The following HERC2 variants were observed in gnomAD, a reference collection of about 807,000 sequenced individuals.
HERC2 encodes the protein HECT and RLD domain containing E3 ubiquitin protein ligase 2, also known as E3 ubiquitin-protein ligase HERC2.
A neutral mutation model predicts 537.7 loss-of-function variants in HERC2; 102 were observed. The ratio of observed to expected loss-of-function variants is 0.19; its 90% CI spans 0.16 to 0.22. HERC2 has a LOEUF of 0.22. Ranked by LOEUF, HERC2 falls within the 10% of genes least tolerant of loss-of-function variation. The pLI is 1.00. For missense variants in HERC2, 4,236 were observed against 6,198.2 expected, an observed-to-expected ratio of 0.68 and a Z score of 10.63; for synonymous variants, 2,224 against 2,466.2, an observed-to-expected ratio of 0.90 and a Z score of 2.91.
chr15:28,132,362 G>A, intron 80 of HERC2, 101 bp from the exon 81 acceptor site: 1 of 1,126,840 alleles, frequency 8.9e-7, no homozygotes, highest in South Asian at 1.8e-5. Flanking sequence ...GGGGGTACCT[G>A]TTTTAAGCCT....
intron 52 of HERC2, among the ~76,000 whole-genome samples, chr15:28,194,370 A>C (rs1897145974): frequency 7.0e-6 from 1 of 142,648 alleles, no homozygotes; most frequent in Non-Finnish European, 1.5e-5. Flanking sequence ...GGAGATCGAG[A>C]CCATCCTGGC....
intron 52 of HERC2, among the ~76,000 whole-genome samples, chr15:28,195,228 A>G (rs1025436973): frequency 2.6e-5 from 4 of 152,158 alleles, no homozygotes; most frequent in African/African-American, 9.7e-5. Context: ...ACTAAAACTA[A>G]AAATGTATAT....
intron 85 of HERC2, among the ~76,000 whole-genome samples, chr15:28,123,709 C>G (rs774242138): frequency 2.0e-5 from 3 of 152,176 alleles, no homozygotes; most frequent in Admixed American, 6.5e-5. Flanking sequence ...CAAGGCCAGG[C>G]AGGCAGAGAA....
At chr15:28,282,035 T>C (rs532330067) in intron 4 of HERC2, among the ~76,000 whole-genome samples, 6 of 152,330 alleles carry the variant, frequency 3.9e-5, no homozygotes, top group Non-Finnish European at 8.8e-5. Flanking sequence ...ATCAGTCATG[T>C]ACACTCTGAA....
In HERC2 at chr15:28,310,114, A is replaced by C. The variant is rs371279684; in HGVS notation, c.73-10598T>G. The stretch of plus-strand genomic sequence containing the variant: ...GTGCCCAGGAGTTTAAAACCAATCT[A>C]GGCAACATAGCAAGACCGTCTCTAC... On this transcript the variant is annotated intron_variant, in intron 2 of 92. Coordinates refer to ENST00000261609, the MANE Select transcript of HERC2 (RefSeq NM_004667.6). Among the ~76,000 whole-genome samples, 10 of 152,212 alleles carry C rather than the reference A, an allele frequency of 6.6e-5. No individual in the cohort carries two copies. The East Asian group carries it at 9.6e-4, about 15-fold the overall frequency.
intron 23 of HERC2, among the ~76,000 whole-genome samples, chr15:28,243,801 C>T (rs1262643422): frequency 5.3e-5 from 8 of 152,114 alleles, no homozygotes; most frequent in South Asian, 2.1e-4. Context: ...GCACAATCAC[C>T]GTGGAAAACT....
intron 38 of HERC2, among the ~76,000 whole-genome samples, chr15:28,217,576 A>T (rs1386969046): frequency 6.6e-6 from 1 of 152,156 alleles, no homozygotes; most frequent in African/African-American, 2.4e-5. Flanking sequence ...CACATTTCTC[A>T]TACTTACTCT....
At chr15:28,220,200 G>T (rs1900374328) in intron 37 of HERC2, among the ~76,000 whole-genome samples, 1 of 152,228 alleles carries the variant, frequency 6.6e-6, no homozygotes, top group South Asian at 2.1e-4. Context: ...CATTCTCAAA[G>T]AGGGGCGGGT....
intron 19 of HERC2, 121 bp from the exon 20 acceptor site, chr15:28,254,639 A>T (rs1391030262): frequency 2.8e-5 from 17 of 598,246 alleles, no homozygotes; most frequent in South Asian, 4.5e-5. Context: ...TAATGCACAC[A>T]CCTACCCACA....
chr15:28,279,932 A>T, intron 5 of HERC2, 136 bp downstream of exon 5: 4 of 698,632 alleles, frequency 5.7e-6, no homozygotes, highest in Non-Finnish European at 9.6e-6. Flanking sequence ...TATACAAAAC[A>T]TACAAAAAGG....
Position 28,265,507 on chromosome 15 carries a change from G to A in HERC2, c.1870+111C>T, listed in dbSNP as rs2075538353. 1.2e-6 allele frequency: 1 copy of A among 822,404 alleles called. No homozygotes were observed. Among genetic ancestry groups the A allele is most frequent in the East Asian group, 2.6e-5 (1 of 38,122 alleles). 50.9% of individuals were successfully genotyped at this position (822,404 alleles called of 1,614,324 possible). On this transcript the variant is annotated intron_variant, in intron 14 of 92. Coordinates refer to ENST00000261609, the MANE Select transcript of HERC2 (RefSeq NM_004667.6). The surrounding 1 kb of genome is among the most constrained non-coding windows in gnomAD (Gnocchi z 4.0). ...TGCCACTGAGCCCCACACCCACTGG[G>A]CGACAGGGTGGGTGGCCTCGTGAGG...
rs1891722807 is a variant in HERC2, at chr15:28,146,243, G to A, written c.11002C>T (p.Arg3668Trp). 2.5e-6 allele frequency: 4 copies of A among 1,612,264 alleles called. No homozygotes were observed. The highest frequency in any genetic ancestry group is 1.7e-5 in the Admixed American group (1 of 59,984). Residue 3668 changes from arginine to tryptophan, a missense_variant, in exon 71 of 93, where the codon CGG (arginine) becomes TGG (tryptophan). Around this residue, in one of 27 missense-constraint regions of HERC2, gnomAD observed 356 missense variants for 450.9 expected, o/e 0.79. Coordinates refer to ENST00000261609, the MANE Select transcript of HERC2 (RefSeq NM_004667.6). ...MDGVNRIVSV[R>W]SGREWSDWSS... is the part of the protein sequence containing the mutation. ...CTCAACCTCCTGTCCTTACCTGACCGCACGGAGACGATCCTGTTGACGCCG... is the reference window on the plus strand; with the variant it reads ...CTCAACCTCCTGTCCTTACCTGACCACACGGAGACGATCCTGTTGACGCCG...
intron 44 of HERC2, among the ~76,000 whole-genome samples, chr15:28,208,332 G>A (rs1898712722): frequency 1.3e-5 from 2 of 151,768 alleles, no homozygotes. Flanking sequence ...TCCACTTTTT[G>A]CTGGTTCCCC....
At chr15:28,267,840 A>G (rs939385189) in intron 12 of HERC2, among the ~76,000 whole-genome samples, 4 of 152,256 alleles carry the variant, frequency 2.6e-5, no homozygotes, top group African/African-American at 9.6e-5. Flanking sequence ...TCAGGGCTCC[A>G]GCCCACAAGA....
intron 69 of HERC2, among the ~76,000 whole-genome samples, chr15:28,161,454 G>A (rs1481794423): frequency 6.6e-6 from 1 of 152,232 alleles, no homozygotes; most frequent in African/African-American, 2.4e-5. Flanking sequence ...CAGGCTCCCT[G>A]GCAGGGCAGA....
At chr15:28,253,379 A>G (rs1219021501) in intron 20 of HERC2, among the ~76,000 whole-genome samples, 1 of 152,238 alleles carries the variant, frequency 6.6e-6, no homozygotes, top group Non-Finnish European at 1.5e-5. Context: ...TGATAGAACC[A>G]GTTTTAAAAA....
chr15:28,236,354 G>C (rs1200953059), intron 26 of HERC2, among the ~76,000 whole-genome samples: 2 of 152,012 alleles, frequency 1.3e-5, no homozygotes, highest in East Asian at 2.0e-4. Context: ...GCAGTGGCGC[G>C]ATCTCGGCTC....
intron 3 of HERC2, among the ~76,000 whole-genome samples, chr15:28,296,874 C>A (rs1482143283): frequency 6.6e-6 from 1 of 151,928 alleles, no homozygotes; most frequent in South Asian, 2.1e-4. Flanking sequence ...AGTTTCAACA[C>A]AATTGTCCTT....
intron 2 of HERC2, among the ~76,000 whole-genome samples, chr15:28,301,613 C>T (rs777729594): frequency 9.0e-5 from 13 of 143,846 alleles, no homozygotes; most frequent in South Asian, 8.7e-4. Flanking sequence ...ACTGCGTATG[C>T]GACAGAAGCT....
Sources: gnomAD v4.1 joint callset for allele counts (sites outside exome capture counted in the v4.1 genomes callset) on GRCh38, gnomAD v4.1.1 for gene constraint, gnomAD v4.1.1 regional missense constraint, Gnocchi (gnomAD v3.1) non-coding constraint, MANE v1.5 for transcripts, NCBI Gene and HGNC (gene_info 2026-07-23, HGNC 2026-07-21) for gene names.